The following SCHIP1 variants were observed in gnomAD, a reference collection of about 807,000 sequenced individuals.
SCHIP1 encodes schwannomin interacting protein 1.
SCHIP1 carries 8 observed loss-of-function variants against 29.7 expected under a neutral mutation model. The ratio of observed to expected loss-of-function variants is 0.27; its 90% CI spans 0.16 to 0.49. SCHIP1 has a LOEUF of 0.49. Among genes scored for constraint, SCHIP1 ranks in the 20% least tolerant of loss-of-function variants. The probability of loss-of-function intolerance (pLI) is 0.99; values close to 1 mark genes in which losing one functional copy is unlikely to be tolerated. For synonymous variants in SCHIP1, 76 were observed against 94.9 expected (o/e 0.80, Z 1.16); for missense variants, 193 against 294.6 (o/e 0.66, Z 2.52).
At chr3:159,701,416 T>C in the SCHIP1 span, among the ~76,000 whole-genome samples, 1 of 152,190 alleles carries the variant, frequency 6.6e-6, no homozygotes, top group African/African-American at 2.4e-5. Context: ...CATGAGTTTT[T>C]AGGTGTGATT....
the SCHIP1 span, among the ~76,000 whole-genome samples, chr3:159,597,153 T>C: frequency 6.6e-6 from 1 of 152,072 alleles, no homozygotes; most frequent in Non-Finnish European, 1.5e-5. Context: ...TATAAATTGA[T>C]TGTGAAAATC....
chr3:159,814,031 G>A, the SCHIP1 span, among the ~76,000 whole-genome samples: 13 of 152,258 alleles, frequency 8.5e-5, no homozygotes, highest in South Asian at 4.1e-4. Context: ...CCCTCCACCC[G>A]CTTCCAGGAG....
chr3:159,678,574 TAATA>T, the SCHIP1 span, among the ~76,000 whole-genome samples: 5 of 152,342 alleles, frequency 3.3e-5, no homozygotes, highest in South Asian at 1.0e-3. Context: ...ATATTCCATA[TAATA>T]AATATCTCAG....
At chr3:159,578,833 G>A in the SCHIP1 span, among the ~76,000 whole-genome samples, 1 of 151,940 alleles carries the variant, frequency 6.6e-6, no homozygotes. Flanking sequence ...GAACCCTAGT[G>A]ATTACCTTGT....
At chr3:159,386,251 G>T in the SCHIP1 span, among the ~76,000 whole-genome samples, 1 of 152,088 alleles carries the variant, frequency 6.6e-6, no homozygotes, top group Non-Finnish European at 1.5e-5. Context: ...TCTGGTTCTA[G>T]ATCCTTGAGA....
chr3:159,748,915 T>G, the SCHIP1 span, among the ~76,000 whole-genome samples: 1 of 152,194 alleles, frequency 6.6e-6, no homozygotes, highest in Non-Finnish European at 1.5e-5. Context: ...ACTTTATTTT[T>G]TACAATAGTT....
the SCHIP1 span, among the ~76,000 whole-genome samples, chr3:159,591,106 A>C: frequency 2.0e-5 from 3 of 152,146 alleles, no homozygotes; most frequent in African/African-American, 7.2e-5. Context: ...CACCCTAGTA[A>C]AGACCCCCAA....
the SCHIP1 span, among the ~76,000 whole-genome samples, chr3:159,563,113 A>G: frequency 6.6e-6 from 1 of 152,216 alleles, no homozygotes; most frequent in African/African-American, 2.4e-5. Flanking sequence ...AGAGGACTGC[A>G]TCTGCAGATG....
At chr3:159,310,940 G>A in the SCHIP1 span, among the ~76,000 whole-genome samples, 6 of 152,066 alleles carry the variant, frequency 3.9e-5, no homozygotes, top group Non-Finnish European at 5.9e-5. Flanking sequence ...AAAATGACAA[G>A]GGTTTGGATG....
rs373985220 is a variant in SCHIP1, at chr3:159,885,450, G to C, written c.150-757G>C. On this transcript the variant is annotated intron_variant, in intron 2 of 6. Coordinates refer to ENST00000445224, the Ensembl canonical transcript of SCHIP1. ...CCTGCGAGTGGCAGCTACACGGCCA[G>C]GTTACCCTTTGTGACTGTGCTTCCA... 1.5e-4 allele frequency among the ~76,000 whole-genome samples: 23 copies of C among 152,360 alleles called. No individual in the cohort carries two copies. In the South Asian group the frequency reaches 4.6e-3, roughly 30 times the overall value.
At chr3:159,470,120 A>T in the SCHIP1 span, among the ~76,000 whole-genome samples, 3 of 152,172 alleles carry the variant, frequency 2.0e-5, no homozygotes, top group Non-Finnish European at 4.4e-5. Context: ...CACTAAAAAT[A>T]ATAAAAAGAT....
chr3:159,629,231 A>G, the SCHIP1 span, among the ~76,000 whole-genome samples: 1 of 152,080 alleles, frequency 6.6e-6, no homozygotes, highest in Non-Finnish European at 1.5e-5. Context: ...GTGACCTGTG[A>G]TCAAGCCACT....
At chr3:159,707,151 T>A in the SCHIP1 span, among the ~76,000 whole-genome samples, 1 of 152,330 alleles carries the variant, frequency 6.6e-6, no homozygotes, top group East Asian at 1.9e-4. Context: ...TGGGCAGGAA[T>A]GTGAGGATGG....
chr3:159,765,557 T>C, the SCHIP1 span: 2 of 182,386 alleles, frequency 1.1e-5, no homozygotes, highest in Non-Finnish European at 2.3e-5. Context: ...TCTCCTCTCG[T>C]TGCCACTAAT....
At chr3:159,634,973 A>T in the SCHIP1 span, among the ~76,000 whole-genome samples, 1 of 152,086 alleles carries the variant, frequency 6.6e-6, no homozygotes, top group Admixed American at 6.6e-5. Context: ...GCTCCACCTG[A>T]TCTGTAAATG....
chr3:159,883,974 G>A (rs33053), intron 2 of SCHIP1, among the ~76,000 whole-genome samples: 49,549 of 152,006 alleles, frequency 0.33, 8,763 homozygotes, highest in East Asian at 0.72. Context: ...TCTTCTGAGT[G>A]AAAATACATA....
At chr3:159,858,292 T>A (rs1320413482) in intron 1 of SCHIP1, among the ~76,000 whole-genome samples, 1 of 152,180 alleles carries the variant, frequency 6.6e-6, no homozygotes, top group East Asian at 1.9e-4. Flanking sequence ...GGGAGGACAA[T>A]CATTTAGTTT....
At chr3:159,478,503 A>T in the SCHIP1 span, among the ~76,000 whole-genome samples, 1 of 152,138 alleles carries the variant, frequency 6.6e-6, no homozygotes, top group East Asian at 1.9e-4. Flanking sequence ...ATGTTTTAAA[A>T]TCAGGAAGTA....
At chr3:159,427,650 C>T in the SCHIP1 span, among the ~76,000 whole-genome samples, 1 of 150,842 alleles carries the variant, frequency 6.6e-6, no homozygotes, top group Non-Finnish European at 1.5e-5. Context: ...ATGCCATCCC[C>T]ATCAAGCTAC....
Sources: allele counts gnomAD v4.1 joint callset (sites outside exome capture counted in the v4.1 genomes callset), GRCh38; gene constraint gnomAD v4.1.1; transcripts MANE v1.5; gene names NCBI Gene and HGNC (gene_info 2026-07-23, HGNC 2026-07-21).